Variants in WWOX observed in about 807,000 individuals in gnomAD.
The protein encoded by WWOX is WW domain containing oxidoreductase.
A neutral mutation model predicts 46.2 loss-of-function variants in WWOX; 69 were observed. That is an observed-to-expected ratio of 1.49 (90% confidence interval 1.23 to 1.82). The LOEUF is 1.82. Among genes scored for constraint, WWOX ranks in the 40% most tolerant of loss-of-function variants. The pLI, the probability that WWOX is intolerant of heterozygous loss-of-function variation, is 0.00. For synonymous variants in WWOX, 359 were observed against 202.6 expected (o/e 1.77, Z -6.56); for missense variants, 919 against 542.6 (o/e 1.69, Z -6.89).
intron 8 of WWOX, among the ~76,000 whole-genome samples, chr16:78,622,038 G>C (rs751945705): frequency 6.6e-6 from 1 of 152,180 alleles, no homozygotes; most frequent in South Asian, 2.1e-4. Flanking sequence ...TGGCTACCCA[G>C]TTGTTAGCTG....
At chr16:79,164,146 G>A (rs1174628854) in intron 8 of WWOX, among the ~76,000 whole-genome samples, 3 of 152,178 alleles carry the variant, frequency 2.0e-5, no homozygotes, top group African/African-American at 2.4e-5. Flanking sequence ...CTTTAATACT[G>A]CTTTTTATTT....
At chr16:78,656,353 T>G (rs1052904776) in intron 8 of WWOX, among the ~76,000 whole-genome samples, 2 of 152,122 alleles carry the variant, frequency 1.3e-5, no homozygotes, top group Non-Finnish European at 2.9e-5. Flanking sequence ...GTTCTCACAT[T>G]GATGTAAAGG....
chr16:79,195,237 G>C (rs894877890), intron 8 of WWOX, among the ~76,000 whole-genome samples: 1 of 152,032 alleles, frequency 6.6e-6, no homozygotes, highest in Non-Finnish European at 1.5e-5. Flanking sequence ...AAGATTACTG[G>C]GGAGTGTTCT....
intron 8 of WWOX, among the ~76,000 whole-genome samples, chr16:78,597,664 AC>A (rs1319306896): frequency 6.6e-6 from 1 of 151,854 alleles, no homozygotes; most frequent in Non-Finnish European, 1.5e-5. Flanking sequence ...TGCTTTCCAA[AC>A]CCCTAAATTG....
At chr16:78,231,214 C>G (rs369412390) in intron 5 of WWOX, among the ~76,000 whole-genome samples, 9 of 152,226 alleles carry the variant, frequency 5.9e-5, no homozygotes, top group Non-Finnish European at 1.0e-4. Context: ...TCAAACCAAA[C>G]TCTTTCAAAG....
intron 5 of WWOX, among the ~76,000 whole-genome samples, chr16:78,373,959 G>A (rs1302972819): frequency 6.6e-6 from 1 of 152,100 alleles, no homozygotes; most frequent in Non-Finnish European, 1.5e-5. Flanking sequence ...GCCAATTTTT[G>A]TATTTTTAGT....
At chr16:78,951,176 G>A (rs11648482) in intron 8 of WWOX, among the ~76,000 whole-genome samples, 45,506 of 152,172 alleles carry the variant, frequency 0.3, 7,869 homozygotes, top group Non-Finnish European at 0.38. Flanking sequence ...TGGATCTGGC[G>A]TGGCTGGATC....
rs189787100 is a variant in WWOX at position 78,543,918 on chromosome 16, C to G, written c.1056+111166C>G. 1.9e-3 allele frequency among the ~76,000 whole-genome samples: 285 copies of G among 152,192 alleles called. 2 individuals carry two copies. The highest frequency in any genetic ancestry group is 4.3e-4 in the Non-Finnish European group (29 of 67,994). ...ACTTTAATCATCAATAAACTAACAT[C>G]TCAACAGCCTGCCATAAATTTCTTG... On this transcript the variant is annotated intron_variant, in intron 8 of 8. Coordinates refer to ENST00000566780, the MANE Select transcript of WWOX (RefSeq NM_016373.4).
At chr16:78,984,300 G>A (rs1197392506) in intron 8 of WWOX, among the ~76,000 whole-genome samples, 1 of 152,134 alleles carries the variant, frequency 6.6e-6, no homozygotes, top group Non-Finnish European at 1.5e-5. Flanking sequence ...GCTTTATCAG[G>A]TAATTGCAAG....
chr16:78,525,344 C>G (rs1032845229), intron 8 of WWOX: 1 of 152,028 alleles, frequency 6.6e-6, no homozygotes, highest in Admixed American at 6.6e-5. Context: ...AGCCACCACG[C>G]CCGGCTAATT....
intron 4 of WWOX, among the ~76,000 whole-genome samples, chr16:78,147,376 C>G (rs899673549): frequency 2.0e-5 from 3 of 152,126 alleles, no homozygotes; most frequent in African/African-American, 7.2e-5. Flanking sequence ...GCCCACAGAG[C>G]ACAGAGTTAA....
intron 8 of WWOX, among the ~76,000 whole-genome samples, chr16:78,928,026 T>C (rs1252884675): frequency 6.6e-6 from 1 of 152,078 alleles, no homozygotes; most frequent in African/African-American, 2.4e-5. Flanking sequence ...CTTGCTAGAA[T>C]GCATAAACAA....
intron 8 of WWOX, among the ~76,000 whole-genome samples, chr16:78,767,644 A>G (rs1029198996): frequency 2.6e-5 from 4 of 152,080 alleles, no homozygotes; most frequent in African/African-American, 4.8e-5. Flanking sequence ...GAAACTGCCA[A>G]ACTGTCTTCA....
chr16:78,586,346 G>A (rs893608209), intron 8 of WWOX, among the ~76,000 whole-genome samples: 5 of 152,122 alleles, frequency 3.3e-5, no homozygotes, highest in African/African-American at 1.2e-4. Flanking sequence ...ATTACTCTAG[G>A]TAACCTGAGG....
intron 8 of WWOX, among the ~76,000 whole-genome samples, chr16:79,194,349 C>T (rs1473180592): frequency 1.3e-5 from 2 of 152,180 alleles, no homozygotes; most frequent in East Asian, 1.9e-4. Context: ...AAGCACCTAC[C>T]GTGCGCCAAG....
intron 8 of WWOX, among the ~76,000 whole-genome samples, chr16:78,689,592 T>C (rs1263202770): frequency 6.6e-6 from 1 of 152,172 alleles, no homozygotes; most frequent in African/African-American, 2.4e-5. Flanking sequence ...CTGATCACCC[T>C]TGCCTGCCTT....
rs545710597 is a variant in WWOX, at chr16:78,242,678, A to C, written c.516+78389A>C. 2.0e-5 allele frequency among the ~76,000 whole-genome samples: 3 copies of C among 152,246 alleles called. No homozygotes were observed. In the South Asian group the frequency reaches 6.2e-4, roughly 32 times the overall value. ...CTCCTCTCTGGAACCCATGGCTAATAGGGGACAGGAGAGAGCGGAAGCAGA... is the reference window on the plus strand; with the variant it reads ...CTCCTCTCTGGAACCCATGGCTAATCGGGGACAGGAGAGAGCGGAAGCAGA... On this transcript the variant is annotated intron_variant, in intron 5 of 8. Transcript: ENST00000566780.
At chr16:78,909,139 T>C (rs1226007269) in intron 8 of WWOX, among the ~76,000 whole-genome samples, 2 of 152,206 alleles carry the variant, frequency 1.3e-5, no homozygotes, top group Non-Finnish European at 2.9e-5. Flanking sequence ...AGAAGCAAGA[T>C]AGAGTCAGTT....
chr16:78,590,166 T>TCTCTC (rs879699302), intron 8 of WWOX, among the ~76,000 whole-genome samples: 1 of 39,310 alleles, frequency 2.5e-5, no homozygotes, highest in South Asian at 5.0e-4. Context: ...CTCTCTCTGT[T>TCTCTC]TATTATAGAT....
Sources: gnomAD v4.1 joint callset for allele counts (sites outside exome capture counted in the v4.1 genomes callset) on GRCh38, gnomAD v4.1.1 for gene constraint, MANE v1.5 for transcripts, NCBI Gene and HGNC (gene_info 2026-07-23, HGNC 2026-07-21) for gene names.